MEAK7: variants seen among roughly 807,000 people sequenced by gnomAD.
MEAK7 encodes MTOR associated protein MEAK7.
A neutral mutation model predicts 40.5 loss-of-function variants in MEAK7; 68 were observed. That is an observed-to-expected ratio of 1.68 (90% CI 1.38 to 2.06). The LOEUF (loss-of-function observed/expected upper bound fraction) is 2.06. Ranked by LOEUF, MEAK7 falls within the 30% of genes most tolerant of loss-of-function variation. The pLI, the probability that MEAK7 is intolerant of heterozygous loss-of-function variation, is 0.00. For missense variants in MEAK7, 918 were observed against 580.5 expected, an observed-to-expected ratio of 1.58 and a Z score of -5.98; for synonymous variants, 338 against 231.9, an observed-to-expected ratio of 1.46 and a Z score of -4.16.
intron 4 of MEAK7, 124 bp downstream of exon 4, chr16:84,489,154 T>A: frequency 7.8e-7 from 1 of 1,276,912 alleles, no homozygotes; most frequent in South Asian, 1.8e-5. Context: ...CTAGAAAACC[T>A]AGAAGAAGGT....
rs1461864995 is a variant in MEAK7, at chr16:84,498,043, T to C, written c.44A>G (p.Gln15Arg). 1 of 1,612,038 alleles carries C rather than the reference T, an allele frequency of 6.2e-7. No individual in the cohort carries two copies. The highest frequency in any genetic ancestry group is 1.1e-5 in the South Asian group (1 of 91,052). Reference sequence around the variant, plus strand: ...CTCTGCCTGTTCCTCAGGAAGAAACTGTGAACAAAAGCTCCGCCCCACACG... The same window carrying C: ...CTCTGCCTGTTCCTCAGGAAGAAACCGTGAACAAAAGCTCCGCCCCACACG... ...RSRVGRSFCS[Q>R]FLPEEQAEID... Residue 15 changes from glutamine to arginine, a missense_variant, in exon 2 of 8, where the codon CAG becomes CGG. Physicochemically the swap from Gln to Arg is conservative, Grantham distance 43. Transcript: ENST00000343629.
At position 84,478,278 on chromosome 16, in the gene MEAK7, A is replaced by C. The variant is rs926697703; in HGVS notation, c.*1635T>G. 3.3e-5 allele frequency: 5 copies of C among 152,170 alleles called. No individual in the cohort carries two copies. The highest frequency in any genetic ancestry group is 7.3e-5 in the Non-Finnish European group (5 of 68,044). The allele number at this position is 152,170 out of a possible 1,614,324, so 9.4% of individuals were successfully genotyped here. ...GGCTAAGGAAAATCAGTCATGACTA[A>C]GTCCTTGTCTGCATCACGCTCCTGC... On this transcript the variant is annotated 3_prime_UTR_variant, in exon 8 of 8. Transcript: ENST00000343629.
At chr16:84,489,916 T>A (rs1420371076) in intron 3 of MEAK7, among the ~76,000 whole-genome samples, 2 of 152,160 alleles carry the variant, frequency 1.3e-5, no homozygotes, top group Non-Finnish European at 2.9e-5. Context: ...GGAAGGGGAA[T>A]TGGAGGTTTT....
chr16:84,486,474 T>C (rs397038), intron 5 of MEAK7, 157 bp downstream of exon 5: 716,117 of 1,428,472 alleles, frequency 0.5, 185,803 homozygotes, highest in East Asian at 0.9. Flanking sequence ...ATAAACACCA[T>C]AGAGCAGCAT....
rs564227902 is a variant in MEAK7 at position 84,497,733 on chromosome 16, G to C, written c.153+201C>G. 5.9e-6 allele frequency: 8 copies of C among 1,356,642 alleles called. No homozygotes were observed. In the Admixed American group the frequency reaches 1.0e-4, roughly 17 times the overall value. 84.0% of individuals were successfully genotyped at this position (1,356,642 alleles called of 1,614,324 possible). A position where few individuals can be genotyped will look rare whatever the true frequency, so the allele number is the denominator to read the frequency against. ...TCTATGGCTATTTTCACACAGTAAC[G>C]GCAGAGCAGAGGAGCTACAACAGAG... On this transcript the variant is annotated intron_variant, in intron 2 of 7. Coordinates refer to ENST00000343629, the MANE Select transcript of MEAK7 (RefSeq NM_020947.4).
At position 84,479,861 on chromosome 16, in the gene MEAK7, C is replaced by T. The variant is rs528388372; in HGVS notation, c.*52G>A. On this transcript the variant is annotated 3_prime_UTR_variant, in exon 8 of 8. Coordinates refer to ENST00000343629, the MANE Select transcript of MEAK7 (RefSeq NM_020947.4). ...AGGGAAGAGGGGCTGCAGGCGTTGC[C>T]CTCTACCCAGAGGAATCCAGGTCCT... is the stretch of plus-strand genomic sequence containing the variant. 8 of 1,455,684 alleles carry T rather than the reference C, an allele frequency of 5.5e-6. No homozygotes were observed. Among genetic ancestry groups the T allele is most frequent in the Non-Finnish European group, 7.5e-6 (8 of 1,062,406 alleles). The allele number at this position is 1,455,684 out of a possible 1,614,324, so 90.2% of individuals were successfully genotyped here.
rs765631740 is a variant in MEAK7, at chr16:84,482,637, G to C, written c.1032C>G (p.His344Gln). 2.5e-6 allele frequency: 4 copies of C among 1,614,264 alleles called. No homozygotes were observed. The highest frequency in any genetic ancestry group is 2.2e-5 in the South Asian group (2 of 91,086). The change falls in exon 6 of 8, where the codon CAC (histidine) becomes CAG (glutamine). Residue 344 changes from histidine to glutamine, a missense_variant. Coordinates refer to ENST00000343629, the MANE Select transcript of MEAK7 (RefSeq NM_020947.4). ...AVYTHTGYND[H>Q]YMYLNHGQQT... Reference sequence around the variant, plus strand: ...GCTGTCCATGGTTCAAGTACATGTAGTGGTCGTTGTAGCCCGTGTGTGTGT... The same window carrying C: ...GCTGTCCATGGTTCAAGTACATGTACTGGTCGTTGTAGCCCGTGTGTGTGT...
intron 3 of MEAK7, among the ~76,000 whole-genome samples, chr16:84,489,796 T>C (rs1304895256): frequency 6.6e-6 from 1 of 152,030 alleles, no homozygotes; most frequent in Non-Finnish European, 1.5e-5. Flanking sequence ...AGATCTAAGG[T>C]TTATTTTGCT....
chr16:84,501,195 G>A (rs572320454), intron 1 of MEAK7, among the ~76,000 whole-genome samples: 1 of 151,644 alleles, frequency 6.6e-6, no homozygotes, highest in Admixed American at 6.6e-5. Context: ...GTGAAGAGTG[G>A]AAAAGGTCCC....
chr16:84,496,707 G>A (rs1326925972), intron 2 of MEAK7, among the ~76,000 whole-genome samples: 1 of 151,958 alleles, frequency 6.6e-6, no homozygotes, highest in African/African-American at 2.4e-5. Flanking sequence ...CTCACCGAAG[G>A]GCCTCACACC....
At position 84,486,705 on chromosome 16, in the gene MEAK7, A is replaced by G. The variant is rs1413280016; in HGVS notation, c.884T>C (p.Val295Ala). The change falls in exon 5 of 8, where the codon GTC becomes GCC. Residue 295 changes from valine (V) to alanine (A), a missense_variant. Physicochemically the swap from Val to Ala is moderately conservative, Grantham distance 64. Transcript: ENST00000343629. ...HITHRGPCVA[V>A]LEDHDKHVFG... is the part of the protein sequence containing the mutation. Reference sequence around the variant, plus strand: ...CACATGCTTGTCATGGTCCTCGAGGACAGCCACACAGGGTCCCCGGTGAGT... The same window carrying G: ...CACATGCTTGTCATGGTCCTCGAGGGCAGCCACACAGGGTCCCCGGTGAGT... 1 of 1,614,038 alleles carries G rather than the reference A, an allele frequency of 6.2e-7. No homozygotes were observed. Among genetic ancestry groups the G allele is most frequent in the African/African-American group, 1.3e-5 (1 of 75,042 alleles).
rs1912317049 is a variant in MEAK7, at chr16:84,479,490, TGCC to T, written c.*420_*422del. 1 of 124,708 alleles carries T rather than the reference TGCC, an allele frequency of 8.0e-6. No individual in the cohort carries two copies. The highest frequency in any genetic ancestry group is 1.6e-5 in the Non-Finnish European group (1 of 61,152). 7.7% of individuals were successfully genotyped at this position (124,708 alleles called of 1,614,324 possible). On this transcript the variant is annotated 3_prime_UTR_variant, in exon 8 of 8. Coordinates refer to ENST00000343629, the MANE Select transcript of MEAK7 (RefSeq NM_020947.4). ...CCCTAATGCCAGCGGAATTCCCTAA[TGCC>T]AGCGGAATTCCCTAATGCCAGCGGA...
intron 6 of MEAK7, among the ~76,000 whole-genome samples, chr16:84,481,833 C>G (rs150679252): frequency 0.054 from 8,200 of 152,152 alleles, 579 homozygotes; most frequent in East Asian, 0.32. Flanking sequence ...ACTTGGGAGG[C>G]TGAGGCAGGA....
chr16:84,490,123 T>G (rs1367993865), intron 3 of MEAK7, among the ~76,000 whole-genome samples: 1 of 152,226 alleles, frequency 6.6e-6, no homozygotes, highest in African/African-American at 2.4e-5. Flanking sequence ...TGTGTTTGTT[T>G]TGCTGAACTG....
At chr16:84,489,821 T>C (rs1913415207) in intron 3 of MEAK7, among the ~76,000 whole-genome samples, 1 of 152,152 alleles carries the variant, frequency 6.6e-6, no homozygotes, top group South Asian at 2.1e-4. Flanking sequence ...TTTACTTGCT[T>C]CCAAAAAGGA....
chr16:84,486,359 T>G, intron 5 of MEAK7: 2 of 1,018,818 alleles, frequency 2.0e-6, no homozygotes, highest in Non-Finnish European at 2.5e-6. Flanking sequence ...ATCTGTGGCT[T>G]GACTTCTCCC....
At chr16:84,490,456 T>C (rs1431372548) in intron 3 of MEAK7, among the ~76,000 whole-genome samples, 1 of 52,510 alleles carries the variant, frequency 1.9e-5, no homozygotes, top group Non-Finnish European at 7.4e-5. Flanking sequence ...TTTTTTTTTT[T>C]TTTTTTTTTT....
chr16:84,490,619 A>G (rs577898222), intron 3 of MEAK7, among the ~76,000 whole-genome samples: 1 of 147,056 alleles, frequency 6.8e-6, no homozygotes, highest in African/African-American at 2.5e-5. Context: ...AAAGAGCTCA[A>G]TGGTTAAAGT....
chr16:84,486,829 T>C lies in MEAK7; in HGVS notation c.760A>G (p.Ile254Val), dbSNP rs753600145. Residue 254 changes from isoleucine to valine, a missense_variant, in exon 5 of 8, where the codon ATC becomes GTC. Coordinates refer to ENST00000343629, the MANE Select transcript of MEAK7 (RefSeq NM_020947.4). Reference protein sequence around the residue: ...SILDVLSVMYINAQLPREQRH... With the variant: ...SILDVLSVMYVNAQLPREQRH... ...TGCTCCCGAGGCAGCTGGGCGTTGA[T>C]GTACATGACAGAGAGGACATCCAGG... The C allele has an allele frequency of 2.2e-5, 35 of 1,614,046 alleles. No individual in the cohort carries two copies. In the Middle Eastern group the frequency reaches 4.9e-4, roughly 23 times the overall value.
Sources: gnomAD v4.1 joint callset for allele counts (sites outside exome capture counted in the v4.1 genomes callset) on GRCh38, gnomAD v4.1.1 for gene constraint, MANE v1.5 for transcripts, NCBI Gene and HGNC (gene_info 2026-07-23, HGNC 2026-07-21) for gene names.